FGD4: variants seen among roughly 807,000 people sequenced by gnomAD.
FGD4 encodes FYVE, RhoGEF and PH domain containing 4, also known as FYVE, RhoGEF and PH domain-containing protein 4.
FGD4 carries 42 observed loss-of-function variants against 102.0 expected under a neutral mutation model. That is an observed-to-expected ratio of 0.41 (90% CI 0.32 to 0.53). The LOEUF is 0.53. FGD4 is among the 20% of genes least tolerant of loss of function. The probability of loss-of-function intolerance (pLI) is 0.21; values close to 1 mark genes in which losing one functional copy is unlikely to be tolerated. For synonymous variants in FGD4, 380 were observed against 375.7 expected (o/e 1.01, Z -0.13); for missense variants, 902 against 1,078.2 (o/e 0.84, Z 2.29).
chr12:32,499,339 T>G (rs1472001911), intron 1 of FGD4, among the ~76,000 whole-genome samples: 3 of 152,110 alleles, frequency 2.0e-5, no homozygotes, highest in Admixed American at 6.6e-5. Context: ...GGCAGTGTGG[T>G]TTGAGGGGAT....
rs1460453146 is a variant in FGD4 at position 32,562,825 on chromosome 12, A to T, written c.167-1312A>T. On this transcript the variant is annotated intron_variant, in intron 1 of 16. Transcript: ENST00000534526. ...CCCATGTCTACTTCTTTCTACACAG[A>T]CACGGCAACCATCCGACTTCTCAAT... Among the ~76,000 whole-genome samples the T allele has an allele frequency of 3.3e-5, 5 of 152,356 alleles. No individual in the cohort carries two copies. The East Asian group carries it at 9.6e-4, about 29-fold the overall frequency.
intron 1 of FGD4, among the ~76,000 whole-genome samples, chr12:32,525,870 G>A (rs563816328): frequency 9.2e-4 from 140 of 152,336 alleles, no homozygotes; most frequent in South Asian, 5.8e-3. Context: ...GCCCACCGGT[G>A]CTGCGCTCGA....
intron 1 of FGD4, among the ~76,000 whole-genome samples, chr12:32,522,013 A>C (rs1034371355): frequency 6.6e-6 from 1 of 152,190 alleles, no homozygotes; most frequent in African/African-American, 2.4e-5. Flanking sequence ...ATAAATTTAT[A>C]ATTTATTTAG....
In FGD4 at chr12:32,538,142, C is replaced by G. The variant is rs1374574675; in HGVS notation, c.167-25995C>G. Among the ~76,000 whole-genome samples the G allele has an allele frequency of 3.3e-5, 5 of 152,182 alleles. No individual in the cohort carries two copies. The East Asian group carries it at 9.6e-4, about 29-fold the overall frequency. ...CGAACTCCTGAGCTCAAGCAATTCA[C>G]CTGCCTTGGTTTCCCAAAATGCTGG... On this transcript the variant is annotated intron_variant, in intron 1 of 16. Coordinates refer to ENST00000534526, the MANE Select transcript of FGD4 (RefSeq NM_001370298.3).
intron 1 of FGD4, among the ~76,000 whole-genome samples, chr12:32,452,843 G>A (rs1457230151): frequency 2.0e-5 from 3 of 151,912 alleles, no homozygotes; most frequent in Non-Finnish European, 4.4e-5. Flanking sequence ...GAAAAAATTA[G>A]CTGGGCATGG....
At chr12:32,516,677 A>G (rs1329991124) in intron 1 of FGD4, among the ~76,000 whole-genome samples, 1 of 152,244 alleles carries the variant, frequency 6.6e-6, no homozygotes, top group Non-Finnish European at 1.5e-5. Context: ...TTAACATAGA[A>G]TAAAGTTTTA....
In FGD4 at chr12:32,564,297, C is replaced by T. The variant is rs770668084; in HGVS notation, c.319+8C>T. On this transcript the variant is annotated splice_region_variant and intron_variant, in intron 2 of 16. Transcript: ENST00000534526. ...CAAGTCCAAAGCCACAAGGTATGCT[C>T]ACTGGGAGTTTGTGTTCGGGGTGGG... 6.5e-7 allele frequency: 1 copy of T among 1,535,168 alleles called. No homozygotes were observed. Among genetic ancestry groups the T allele is most frequent in the Non-Finnish European group, 8.7e-7 (1 of 1,146,576 alleles).
chr12:32,572,536 C>T (rs1367797066), intron 2 of FGD4, among the ~76,000 whole-genome samples: 2 of 152,132 alleles, frequency 1.3e-5, no homozygotes, highest in Non-Finnish European at 2.9e-5. Flanking sequence ...GAGGAGGAAT[C>T]GGAACTTTAG....
chr12:32,583,941 A>T (rs1201012946), intron 4 of FGD4, among the ~76,000 whole-genome samples: 3 of 152,222 alleles, frequency 2.0e-5, no homozygotes, highest in African/African-American at 4.8e-5. Context: ...GTATATATAA[A>T]ATAGTAAGAG....
At chr12:32,512,054 T>A (rs923723937) in intron 1 of FGD4, 1 of 152,198 alleles carries the variant, frequency 6.6e-6, no homozygotes, top group Non-Finnish European at 1.5e-5. Flanking sequence ...TTTTTATGAT[T>A]GTGTATATCG....
rs771794642 is a variant in FGD4, at chr12:32,601,305, G to A, written c.1129G>A (p.Ala377Thr). The A allele has an allele frequency of 2.1e-5, 34 of 1,614,000 alleles. No individual in the cohort carries two copies. The highest frequency in any genetic ancestry group is 2.7e-5 in the Non-Finnish European group (32 of 1,180,018). ...QVFYCKLLEE[A>T]NRGSFPAEMV... ...ATTTTATTGCAAACTGTTGGAAGAA[G>A]CAAACCGAGGCTCGTTTCCAGCAGA... Residue 377 changes from alanine (A) to threonine (T), a missense_variant, in exon 6 of 17, where the codon GCA (alanine) becomes ACA (threonine). Physicochemically the swap from Ala to Thr is moderately conservative, Grantham distance 58. This residue lies in a region of FGD4 where 443 missense variants were observed against 459.2 expected (regional missense o/e 0.96). Transcript: ENST00000534526.
intron 5 of FGD4, among the ~76,000 whole-genome samples, chr12:32,599,455 CT>C (rs1411217064): frequency 1.0e-4 from 10 of 96,204 alleles, no homozygotes; most frequent in African/African-American, 5.9e-4. Flanking sequence ...GATCGCGCCA[CT>C]AGCACTCCAG....
intron 1 of FGD4, among the ~76,000 whole-genome samples, chr12:32,445,880 CTTTGG>C: frequency 6.6e-6 from 1 of 152,138 alleles, no homozygotes; most frequent in East Asian, 1.9e-4. Flanking sequence ...AAAAATGTTA[CTTTGG>C]ACTGGGTGCT....
intron 1 of FGD4, among the ~76,000 whole-genome samples, chr12:32,440,096 G>C (rs1158521684): frequency 6.6e-6 from 1 of 152,192 alleles, no homozygotes; most frequent in African/African-American, 2.4e-5. Context: ...CGGCTATTGT[G>C]AATTCACTGT....
rs114854210 is a variant in FGD4, at chr12:32,552,706, C to G, written c.167-11431C>G. On this transcript the variant is annotated intron_variant, in intron 1 of 16. Transcript: ENST00000534526. ...CCTGTTGCAGTGGTAAGTTCAGTCT[C>G]TACCTAAGAAAACAGCATGCCAAGG... 6.4e-3 allele frequency among the ~76,000 whole-genome samples: 970 copies of G among 152,076 alleles called. 13 individuals are homozygous for G. The highest frequency in any genetic ancestry group is 0.022 in the African/African-American group (901 of 41,508).
intron 1 of FGD4, among the ~76,000 whole-genome samples, chr12:32,490,609 G>A (rs1190914791): frequency 6.8e-6 from 1 of 147,600 alleles, no homozygotes; most frequent in Non-Finnish European, 1.5e-5. Flanking sequence ...ATATTGGCCA[G>A]GCTGGTCTTG....
chr12:32,575,826 A>C (rs188367205), intron 2 of FGD4, among the ~76,000 whole-genome samples: 2 of 152,368 alleles, frequency 1.3e-5, no homozygotes, highest in Non-Finnish European at 2.9e-5. Context: ...TATGTTGTTT[A>C]ACTTATTAGC....
At chr12:32,416,901 CTTT>C (rs746296505) in intron 1 of FGD4, among the ~76,000 whole-genome samples, 2 of 142,702 alleles carry the variant, frequency 1.4e-5, no homozygotes, top group Admixed American at 7.1e-5. Context: ...TTTTCTTTTT[CTTT>C]TTTTTTTTTT....
chr12:32,636,951 A>G (rs1351394616), intron 15 of FGD4, among the ~76,000 whole-genome samples: 3 of 150,024 alleles, frequency 2.0e-5, no homozygotes, highest in Non-Finnish European at 4.4e-5. Flanking sequence ...GCTCACTGCA[A>G]TCTCTGCCTC....
Sources: gnomAD v4.1 joint callset for allele counts (sites outside exome capture counted in the v4.1 genomes callset) on GRCh38, gnomAD v4.1.1 for gene constraint, gnomAD v4.1.1 regional missense constraint, MANE v1.5 for transcripts, NCBI Gene and HGNC (gene_info 2026-07-23, HGNC 2026-07-21) for gene names.